Variants in FBXO10 observed in about 807,000 individuals in gnomAD.
FBXO10 encodes F-box protein 10.
A neutral mutation model predicts 80.7 loss-of-function variants in FBXO10; 39 were observed. The observed-to-expected ratio is 0.48, with a 90% CI of 0.37 to 0.63. The LOEUF (loss-of-function observed/expected upper bound fraction) is 0.63, where lower values mean the gene tolerates loss of function less well. Ranked by LOEUF, FBXO10 falls within the 30% of genes least tolerant of loss-of-function variation. FBXO10 has a pLI of 0.00. For missense variants in FBXO10, 1,025 were observed against 1,269.0 expected, an observed-to-expected ratio of 0.81 and a Z score of 2.92; for synonymous variants, 449 against 489.6, an observed-to-expected ratio of 0.92 and a Z score of 1.09.
chr9:37,564,905 T>C (rs1822566955), intron 1 of FBXO10, among the ~76,000 whole-genome samples: 1 of 152,208 alleles, frequency 6.6e-6, no homozygotes. Context: ...GACAGTGTTT[T>C]GAAATATGAA....
Position 37,512,314 on chromosome 9 carries a change from C to A in FBXO10, c.*233G>T. 2.3e-6 allele frequency: 1 copy of A among 431,312 alleles called. No homozygotes were observed. The highest frequency in any genetic ancestry group is 2.0e-5 in the African/African-American group (1 of 50,488). 26.7% of individuals were successfully genotyped at this position (431,312 alleles called of 1,614,324 possible). A position where few individuals can be genotyped will look rare whatever the true frequency, so the allele number is the denominator to read the frequency against. ...CCCCGCTCTTCACAATCTTTATAGA[C>A]TTCGAGTGACTGGAAACCCACCAGC... On this transcript the variant is annotated 3_prime_UTR_variant, in exon 11 of 11. Transcript: ENST00000432825.
chr9:37,550,169 G>GTTTTT (rs74171511), intron 1 of FBXO10, among the ~76,000 whole-genome samples: 1,411 of 67,926 alleles, frequency 0.021, 360 homozygotes, highest in East Asian at 0.033. Context: ...GTCGTCTCAG[G>GTTTTT]TTTTTTTTTT....
In FBXO10 at chr9:37,511,013, G is replaced by A. The variant is rs1588813333; in HGVS notation, c.*1534C>T. ...CATTTTTTACAGCGACTCACATTGG[G>A]GCCACCAAACAAGTGCAAAGGACAG... On this transcript the variant is annotated 3_prime_UTR_variant, in exon 11 of 11. Transcript: ENST00000432825. 1.3e-5 allele frequency: 2 copies of A among 152,734 alleles called. No homozygotes were observed. Among genetic ancestry groups the A allele is most frequent in the East Asian group, 3.9e-4 (2 of 5,190 alleles). The allele number at this position is 152,734 out of a possible 1,614,324, so 9.5% of individuals were successfully genotyped here. A position where few individuals can be genotyped will look rare whatever the true frequency, so the allele number is the denominator to read the frequency against.
At chr9:37,558,761 T>C (rs563517996) in intron 1 of FBXO10, among the ~76,000 whole-genome samples, 148 of 151,984 alleles carry the variant, frequency 9.7e-4, no homozygotes, top group African/African-American at 3.1e-3. Context: ...CAATGTGAGA[T>C]AGAAGGAATT....
intron 1 of FBXO10, among the ~76,000 whole-genome samples, chr9:37,547,583 CT>C (rs1302727197): frequency 1.3e-4 from 20 of 152,276 alleles, no homozygotes; most frequent in African/African-American, 4.6e-4. Flanking sequence ...TGCACTCAAG[CT>C]TGGGTGACAG....
In FBXO10 at chr9:37,521,946, C is replaced by A. The variant is rs1821358269; in HGVS notation, c.1931-108G>T. On this transcript the variant is annotated intron_variant, in intron 7 of 10. Coordinates refer to ENST00000432825, the MANE Select transcript of FBXO10 (RefSeq NM_012166.3). ...CCACTGGCCTGGGAGAGAGTCCCTG[C>A]CTTGCTAATGACCTCGGACAAGCCA... The A allele has an allele frequency of 1.0e-5, 13 of 1,300,836 alleles. No homozygotes were observed. The East Asian group carries it at 3.0e-4, about 30-fold the overall frequency. 80.6% of individuals were successfully genotyped at this position (1,300,836 alleles called of 1,614,324 possible). A position where few individuals can be genotyped will look rare whatever the true frequency, so the allele number is the denominator to read the frequency against.
chr9:37,523,074 C>G, intron 6 of FBXO10, 97 bp from the exon 7 acceptor site: 1 of 1,411,466 alleles, frequency 7.1e-7, no homozygotes, highest in Middle Eastern at 2.0e-4. Context: ...TACTCCAGAC[C>G]AGAAGGCCCT....
At chr9:37,538,248 T>C (rs943529312) in intron 2 of FBXO10, among the ~76,000 whole-genome samples, 3 of 152,122 alleles carry the variant, frequency 2.0e-5, no homozygotes, top group Admixed American at 6.6e-5. Flanking sequence ...CAAGTCTCAA[T>C]CACGTGCCAG....
intron 1 of FBXO10, among the ~76,000 whole-genome samples, chr9:37,553,251 A>AG (rs1822251683): frequency 6.6e-6 from 1 of 151,972 alleles, no homozygotes; most frequent in African/African-American, 2.4e-5. Context: ...CATGTTGGCC[A>AG]GATGGTCTCG....
intron 1 of FBXO10, among the ~76,000 whole-genome samples, chr9:37,556,533 ATTTTTTT>A (rs60829486): frequency 0.013 from 983 of 75,116 alleles, 5 homozygotes; most frequent in Non-Finnish European, 0.019. Flanking sequence ...TTTGTTCTGG[ATTTTTTT>A]TTTTTTTTTT....
intron 1 of FBXO10, among the ~76,000 whole-genome samples, chr9:37,542,322 G>A (rs1042962784): frequency 1.1e-4 from 16 of 151,866 alleles, no homozygotes; most frequent in Non-Finnish European, 2.4e-4. Context: ...CAGGCCGGGC[G>A]CAATGGCTCA....
At chr9:37,529,709 G>A (rs924075940) in intron 4 of FBXO10, among the ~76,000 whole-genome samples, 18 of 152,234 alleles carry the variant, frequency 1.2e-4, no homozygotes, top group Non-Finnish European at 2.4e-4. Context: ...AGGGGTCACA[G>A]TTGTTTGACT....
At chr9:37,566,718 A>G (rs190966626) in intron 1 of FBXO10, among the ~76,000 whole-genome samples, 1 of 152,318 alleles carries the variant, frequency 6.6e-6, no homozygotes, top group African/African-American at 2.4e-5. Flanking sequence ...TTATAACCCC[A>G]AAGAGCCCTG....
chr9:37,551,471 C>G (rs979463362), intron 1 of FBXO10, among the ~76,000 whole-genome samples: 1 of 152,250 alleles, frequency 6.6e-6, no homozygotes, highest in Non-Finnish European at 1.5e-5. Flanking sequence ...TTGTACTCTG[C>G]AAGTCTACAG....
At chr9:37,527,571 T>C (rs1343674159) in intron 5 of FBXO10, among the ~76,000 whole-genome samples, 1 of 152,236 alleles carries the variant, frequency 6.6e-6, no homozygotes, top group East Asian at 1.9e-4. Flanking sequence ...CTCCCTGACA[T>C]GCTCAGCTGA....
chr9:37,548,370 G>C (rs930576807), intron 1 of FBXO10, among the ~76,000 whole-genome samples: 1 of 152,174 alleles, frequency 6.6e-6, no homozygotes, highest in Non-Finnish European at 1.5e-5. Context: ...GGGCAACACA[G>C]CGAGACTCCA....
intron 7 of FBXO10, chr9:37,522,230 C>A: frequency 1.8e-6 from 1 of 568,072 alleles, no homozygotes; most frequent in Non-Finnish European, 2.3e-6. Context: ...GTTACCAGAC[C>A]TCTCTCTGTC....
chr9:37,552,510 C>T lies in FBXO10; in HGVS notation c.-6-10736G>A, dbSNP rs551488076. Among the ~76,000 whole-genome samples the T allele has an allele frequency of 3.3e-5, 5 of 152,040 alleles. No individual in the cohort carries two copies. In the East Asian group the frequency reaches 9.7e-4, roughly 29 times the overall value. On this transcript the variant is annotated intron_variant, in intron 1 of 10. Coordinates refer to ENST00000432825, the MANE Select transcript of FBXO10 (RefSeq NM_012166.3). ...CATCCTGGCTGACACGGTGAAACCC[C>T]GTCTCTACTGAAAACACACACACGC...
chr9:37,512,825 G>A (rs1467506105), intron 10 of FBXO10, 104 bp from the exon 11 acceptor site: 7 of 1,184,306 alleles, frequency 5.9e-6, no homozygotes, highest in South Asian at 1.6e-5. Context: ...GGATCCAGGT[G>A]TTTAAATCTG....
Sources: gnomAD v4.1 joint callset for allele counts (sites outside exome capture counted in the v4.1 genomes callset) on GRCh38, gnomAD v4.1.1 for gene constraint, MANE v1.5 for transcripts, NCBI Gene and HGNC (gene_info 2026-07-23, HGNC 2026-07-21) for gene names.